Variants in SNX29 observed in about 807,000 individuals in gnomAD.
SNX29 encodes sorting nexin 29.
Under a neutral mutation model 102.1 loss-of-function variants are expected in SNX29, and 78 were observed. The ratio of observed to expected loss-of-function variants is 0.76; its 90% confidence interval spans 0.64 to 0.92. SNX29 has a LOEUF of 0.92. Ranked by LOEUF, SNX29 falls within the 40% of genes least tolerant of loss-of-function variation. The pLI is 0.00. For missense variants in SNX29, 1,280 were observed against 1,061.7 expected (o/e 1.21, Z -2.86); for synonymous variants, 580 against 414.5 (o/e 1.40, Z -4.85).
At chr16:12,175,440 C>T (rs1474167572) in intron 13 of SNX29, among the ~76,000 whole-genome samples, 1 of 151,628 alleles carries the variant, frequency 6.6e-6, no homozygotes, top group Non-Finnish European at 1.5e-5. Flanking sequence ...CCCAGCCTGG[C>T]CAAAAAGATG....
chr16:12,347,511 A>G (rs1468635304), intron 15 of SNX29, among the ~76,000 whole-genome samples: 3 of 152,190 alleles, frequency 2.0e-5, no homozygotes, highest in Non-Finnish European at 2.9e-5. Context: ...CCTCCCTTCC[A>G]GACTGCATGA....
chr16:11,981,788 T>C (rs1282648273), intron 1 of SNX29, among the ~76,000 whole-genome samples: 4 of 152,098 alleles, frequency 2.6e-5, no homozygotes, highest in Admixed American at 6.6e-5. Flanking sequence ...TGACCATTAA[T>C]TGGGGAGTAG....
intron 1 of SNX29, among the ~76,000 whole-genome samples, chr16:11,984,661 CTT>C (rs972530298): frequency 6.6e-6 from 1 of 152,010 alleles, no homozygotes; most frequent in Non-Finnish European, 1.5e-5. Context: ...CCTTTCCTCT[CTT>C]TTTCTTTTGA....
intron 14 of SNX29, among the ~76,000 whole-genome samples, chr16:12,215,645 G>T (rs976496439): frequency 6.6e-5 from 10 of 152,218 alleles, no homozygotes; most frequent in Non-Finnish European, 1.5e-5. Context: ...TGATGCCCTA[G>T]TTGGGTGCAC....
chr16:12,347,369 G>C (rs2081844728), intron 15 of SNX29, among the ~76,000 whole-genome samples: 1 of 152,100 alleles, frequency 6.6e-6, no homozygotes, highest in Non-Finnish European at 1.5e-5. Flanking sequence ...ACTTCCTGGG[G>C]CCAGCCGTCC....
At chr16:12,545,283 C>G (rs560229931) in intron 20 of SNX29, among the ~76,000 whole-genome samples, 33 of 152,322 alleles carry the variant, frequency 2.2e-4, no homozygotes, top group Non-Finnish European at 4.0e-4. Flanking sequence ...ATTGGTTTGC[C>G]ACTTCGCCCT....
intron 18 of SNX29, among the ~76,000 whole-genome samples, chr16:12,439,412 G>A (rs901723838): frequency 6.6e-6 from 1 of 152,180 alleles, no homozygotes; most frequent in Non-Finnish European, 1.5e-5. Flanking sequence ...TTGTGATAAA[G>A]ACATACCAGA....
chr16:12,207,641 C>T (rs571936587), intron 14 of SNX29, among the ~76,000 whole-genome samples: 2 of 152,256 alleles, frequency 1.3e-5, no homozygotes, highest in South Asian at 4.1e-4. Flanking sequence ...CTTGGCTCAT[C>T]CAGTCTCCTT....
At chr16:12,179,096 G>C (rs569060540) in intron 13 of SNX29, among the ~76,000 whole-genome samples, 4 of 152,120 alleles carry the variant, frequency 2.6e-5, no homozygotes, top group Non-Finnish European at 4.4e-5. Flanking sequence ...TTGTGTGTCT[G>C]TGTGTGTGTA....
intron 18 of SNX29, among the ~76,000 whole-genome samples, chr16:12,412,476 G>C (rs1037117097): frequency 8.5e-5 from 13 of 152,370 alleles, no homozygotes; most frequent in African/African-American, 2.9e-4. Flanking sequence ...GTGGGCAGCT[G>C]ATACTGGTGA....
At chr16:12,307,206 A>G (rs2080364786) in intron 15 of SNX29, among the ~76,000 whole-genome samples, 1 of 152,186 alleles carries the variant, frequency 6.6e-6, no homozygotes, top group African/African-American at 2.4e-5. Context: ...GTGTACTCTT[A>G]ACCACTCTTG....
At chr16:12,051,638 T>C (rs770933873) in intron 7 of SNX29, among the ~76,000 whole-genome samples, 3 of 152,230 alleles carry the variant, frequency 2.0e-5, no homozygotes, top group African/African-American at 4.8e-5. Context: ...GTGGTGTGTT[T>C]ATTTAAATCA....
intron 18 of SNX29, among the ~76,000 whole-genome samples, chr16:12,468,169 CTTTTTTTTT>C (rs59089512): frequency 1.1e-5 from 1 of 92,662 alleles, no homozygotes. Flanking sequence ...ACTCTGACTC[CTTTTTTTTT>C]TTTTTTTTTT....
chr16:12,197,768 T>C (rs2076814069), intron 13 of SNX29, among the ~76,000 whole-genome samples: 1 of 152,106 alleles, frequency 6.6e-6, no homozygotes, highest in African/African-American at 2.4e-5. Context: ...GGGACTCCCT[T>C]GTGGTTTACT....
chr16:12,557,836 C>G (rs1041015540), intron 20 of SNX29: 3 of 152,052 alleles, frequency 2.0e-5, no homozygotes, highest in Admixed American at 6.5e-5. Flanking sequence ...ACCAAAACAT[C>G]ATCAATGTGA....
chr16:12,472,541 A>AC (rs1294900770), intron 18 of SNX29, among the ~76,000 whole-genome samples: 3 of 150,000 alleles, frequency 2.0e-5, no homozygotes, highest in African/African-American at 7.3e-5. Context: ...AAAAAAAAAA[A>AC]AACAAAAAAA....
chr16:12,060,554 G>T (rs1384778186), intron 8 of SNX29, among the ~76,000 whole-genome samples: 1 of 152,230 alleles, frequency 6.6e-6, no homozygotes, highest in Non-Finnish European at 1.5e-5. Flanking sequence ...AGTGAACTAT[G>T]ATTGTGCCAC....
intron 15 of SNX29, among the ~76,000 whole-genome samples, chr16:12,279,327 G>C (rs2079357216): frequency 6.6e-6 from 1 of 152,188 alleles, no homozygotes; most frequent in South Asian, 2.1e-4. Context: ...CATCTGTTTT[G>C]TCTGGTCTCT....
chr16:12,539,991 C>G (rs750458584), intron 20 of SNX29, among the ~76,000 whole-genome samples: 1 of 151,134 alleles, frequency 6.6e-6, no homozygotes, highest in Non-Finnish European at 1.5e-5. Context: ...TAGTCTTCAG[C>G]TTCTTTTCAG....
Sources: allele counts gnomAD v4.1 joint callset (sites outside exome capture counted in the v4.1 genomes callset), GRCh38; gene constraint gnomAD v4.1.1; transcripts MANE v1.5; gene names NCBI Gene and HGNC (gene_info 2026-07-23, HGNC 2026-07-21).